The following TRMT11 variants were observed in gnomAD, a reference collection of about 807,000 sequenced individuals.
TRMT11 encodes tRNA (guanine(10)-N(2))-methyltransferase TRMT11.
Under a neutral mutation model 62.8 loss-of-function variants are expected in TRMT11, and 53 were observed. That is an observed-to-expected ratio of 0.84 (90% CI 0.68 to 1.06). The LOEUF (loss-of-function observed/expected upper bound fraction) is 1.06. Ranked by LOEUF, TRMT11 falls within the 50% of genes least tolerant of loss-of-function variation. The pLI is 0.00. For synonymous variants in TRMT11, 188 were observed against 190.3 expected (o/e 0.99, Z 0.10); for missense variants, 556 against 553.4 (o/e 1.00, Z -0.05).
At chr6:126,151,123 C>A (rs1248066237) in intron 21 of TRMT11, among the ~76,000 whole-genome samples, 2 of 152,158 alleles carry the variant, frequency 1.3e-5, no homozygotes, top group East Asian at 3.9e-4. Context: ...TTTGCATATA[C>A]CTTGGGGTTA....
At chr6:126,224,402 T>G in the TRMT11 span, among the ~76,000 whole-genome samples, 1 of 152,186 alleles carries the variant, frequency 6.6e-6, no homozygotes, top group African/African-American at 2.4e-5. Context: ...TTCTGGATGA[T>G]TTCAGGGGGC....
intron 21 of TRMT11, among the ~76,000 whole-genome samples, chr6:126,152,560 G>A (rs1172564857): frequency 6.6e-6 from 1 of 152,116 alleles, no homozygotes; most frequent in Non-Finnish European, 1.5e-5. Flanking sequence ...ACATGCCTCA[G>A]GTCAAAGAAG....
At chr6:126,032,590 CCTTT>C (rs1774405229) in intron 12 of TRMT11, among the ~76,000 whole-genome samples, 1 of 152,126 alleles carries the variant, frequency 6.6e-6, no homozygotes, top group South Asian at 2.1e-4. Flanking sequence ...CTGAGAGAAG[CCTTT>C]CTTGTCCTTT....
chr6:126,039,667 C>T (rs1775808331), downstream of TRMT11, among the ~76,000 whole-genome samples: 3 of 151,988 alleles, frequency 2.0e-5, no homozygotes, highest in African/African-American at 7.2e-5. Context: ...ACATTGTGTC[C>T]ATCATGAAAA....
At chr6:126,080,597 G>A (rs1040074649) in intron 17 of TRMT11, among the ~76,000 whole-genome samples, 1 of 152,130 alleles carries the variant, frequency 6.6e-6, no homozygotes, top group Non-Finnish European at 1.5e-5. Context: ...TCTCAAAGAG[G>A]CCTGTAGCTA....
intron 12 of TRMT11, among the ~76,000 whole-genome samples, chr6:126,024,751 C>T (rs1387121391): frequency 1.3e-5 from 2 of 152,126 alleles, no homozygotes; most frequent in Non-Finnish European, 2.9e-5. Context: ...GTCTGTTGTA[C>T]GTTAGAGGAT....
the TRMT11 span, among the ~76,000 whole-genome samples, chr6:126,238,188 G>A: frequency 1.3e-5 from 2 of 152,100 alleles, no homozygotes; most frequent in Admixed American, 6.5e-5. Context: ...TTTTTTGAAG[G>A]GTTTTTTGTG....
intron 1 of TRMT11, among the ~76,000 whole-genome samples, chr6:126,192,600 G>T (rs1457588770): frequency 6.6e-6 from 1 of 151,988 alleles, no homozygotes; most frequent in African/African-American, 2.4e-5. Flanking sequence ...GCTTTCATTG[G>T]GTTGAGGTAT....
intron 1 of TRMT11, among the ~76,000 whole-genome samples, chr6:125,988,628 TG>T (rs905713546): frequency 1.3e-5 from 2 of 152,082 alleles, no homozygotes; most frequent in Non-Finnish European, 2.9e-5. Flanking sequence ...AGCAGTTGAA[TG>T]GGGAAACTGA....
intron 17 of TRMT11, among the ~76,000 whole-genome samples, chr6:126,064,432 A>G (rs571817211): frequency 6.6e-6 from 1 of 152,328 alleles, no homozygotes; most frequent in Admixed American, 6.5e-5. Flanking sequence ...GGGGTAGCCA[A>G]GAGCCTTGGG....
At chr6:126,066,382 A>G (rs146545759) in intron 17 of TRMT11, among the ~76,000 whole-genome samples, 1 of 152,220 alleles carries the variant, frequency 6.6e-6, no homozygotes, top group Admixed American at 6.5e-5. Flanking sequence ...TAGAAGCTGG[A>G]CGTCCAAGAT....
chr6:126,131,589 ATCTCT>A (rs1329499448), intron 21 of TRMT11, among the ~76,000 whole-genome samples: 5 of 151,954 alleles, frequency 3.3e-5, no homozygotes, highest in Non-Finnish European at 7.4e-5. Context: ...TCCCCTGTTC[ATCTCT>A]TCAACTGCTG....
chr6:126,032,681 G>T (rs1214888413), intron 12 of TRMT11, among the ~76,000 whole-genome samples: 1 of 152,092 alleles, frequency 6.6e-6, no homozygotes, highest in Non-Finnish European at 1.5e-5. Flanking sequence ...ATCACAGTTT[G>T]TAAGTATATG....
At chr6:126,002,989 G>A (rs2128782302) in intron 7 of TRMT11, among the ~76,000 whole-genome samples, 1 of 152,088 alleles carries the variant, frequency 6.6e-6, no homozygotes, top group East Asian at 1.9e-4. Context: ...TCAGTTCATG[G>A]AGCTTATCTT....
chr6:126,051,252 A>G (rs1271108130), intron 16 of TRMT11, among the ~76,000 whole-genome samples: 6 of 152,188 alleles, frequency 3.9e-5, no homozygotes, highest in Non-Finnish European at 5.9e-5. Context: ...GTAGTTAGCC[A>G]GGTTAAGCTG....
intron 17 of TRMT11, among the ~76,000 whole-genome samples, chr6:126,101,449 G>A (rs1037108602): frequency 1.3e-5 from 2 of 152,184 alleles, no homozygotes; most frequent in Admixed American, 6.5e-5. Context: ...AGCATCAGGT[G>A]TATCTGTTCC....
chr6:125,993,297 C>T (rs2128744262), intron 1 of TRMT11, among the ~76,000 whole-genome samples: 1 of 152,282 alleles, frequency 6.6e-6, no homozygotes, highest in Middle Eastern at 3.4e-3. Flanking sequence ...TATGTTAGTT[C>T]TGTTTCTAGT....
intron 1 of TRMT11, among the ~76,000 whole-genome samples, chr6:125,990,075 A>AT (rs1283209965): frequency 2.6e-5 from 4 of 151,880 alleles, no homozygotes; most frequent in Admixed American, 6.6e-5. Flanking sequence ...CAAAATTCTT[A>AT]TTTTTTTCTT....
intron 21 of TRMT11, among the ~76,000 whole-genome samples, chr6:126,146,690 G>C (rs1417979305): frequency 1.3e-5 from 2 of 152,098 alleles, no homozygotes; most frequent in Non-Finnish European, 2.9e-5. Context: ...CTAATTTCTT[G>C]TATTTTTAGT....
Sources: allele counts gnomAD v4.1 joint callset (sites outside exome capture counted in the v4.1 genomes callset), GRCh38; gene constraint gnomAD v4.1.1; transcripts MANE v1.5; gene names NCBI Gene and HGNC (gene_info 2026-07-23, HGNC 2026-07-21).